The following USP7 variants were observed in gnomAD, a reference collection of about 807,000 sequenced individuals.
The protein encoded by USP7 is ubiquitin specific peptidase 7.
In USP7, 9 loss-of-function variants were observed where a neutral mutation model predicts 162.9. That is an observed-to-expected ratio of 0.06 (90% CI 0.03 to 0.10). The LOEUF (loss-of-function observed/expected upper bound fraction) is 0.10. USP7 is among the 10% of genes least tolerant of loss of function. The pLI, the probability that USP7 is intolerant of heterozygous loss-of-function variation, is 1.00. For missense variants in USP7, 715 were observed against 1,373.7 expected (o/e 0.52, Z 7.58); for synonymous variants, 562 against 475.9 (o/e 1.18, Z -2.35).
chr16:8,955,451 A>G (rs1477092311), intron 1 of USP7, among the ~76,000 whole-genome samples: 2 of 150,504 alleles, frequency 1.3e-5, no homozygotes, highest in Admixed American at 6.6e-5. Context: ...GGCCAGGCGC[A>G]GTGGCTCACA....
At chr16:8,949,323 C>T (rs954552253) in intron 1 of USP7, among the ~76,000 whole-genome samples, 2 of 152,150 alleles carry the variant, frequency 1.3e-5, no homozygotes, top group African/African-American at 4.8e-5. Context: ...GAAACTGAGA[C>T]ATAAAAATGC....
At chr16:8,908,514 C>T (rs2061894457) in intron 11 of USP7, 64 bp from the exon 12 acceptor site, 1 of 1,407,936 alleles carries the variant, frequency 7.1e-7, no homozygotes, top group East Asian at 2.3e-5. Flanking sequence ...GCAATGAAAG[C>T]AACAGCGGTT....
chr16:8,927,573 C>T (rs1161529004), intron 2 of USP7, among the ~76,000 whole-genome samples: 1 of 152,276 alleles, frequency 6.6e-6, no homozygotes, highest in East Asian at 1.9e-4. Flanking sequence ...TGGTGGCTCA[C>T]ACTTGTAGTC....
chr16:8,962,178 C>A (rs899622138), intron 1 of USP7, among the ~76,000 whole-genome samples: 4 of 152,334 alleles, frequency 2.6e-5, no homozygotes, highest in Middle Eastern at 3.4e-3. Context: ...AACCCAAGAT[C>A]CCTTGCTAAA....
chr16:8,946,543 G>C (rs9932027), intron 1 of USP7, among the ~76,000 whole-genome samples: 40,141 of 152,142 alleles, frequency 0.26, 6,780 homozygotes, highest in African/African-American at 0.48. Context: ...ATCTTACAAA[G>C]ACTCAAATCT....
At chr16:8,930,250 C>G (rs757112853) in intron 2 of USP7, 43 bp downstream of exon 2, 2 of 1,501,964 alleles carry the variant, frequency 1.3e-6, no homozygotes, top group Non-Finnish European at 1.8e-6. Context: ...TGTTTTCTGA[C>G]AAGTTTCCGC....
chr16:8,896,845 T>C (rs1174802154), intron 26 of USP7, among the ~76,000 whole-genome samples, 154 bp downstream of exon 26: 1 of 152,184 alleles, frequency 6.6e-6, no homozygotes, highest in Non-Finnish European at 1.5e-5. Flanking sequence ...TGAGCTTCTG[T>C]GCAACTGTCT....
chr16:8,921,130 G>T, intron 4 of USP7, 27 bp downstream of exon 4: 1 of 1,610,274 alleles, frequency 6.2e-7, no homozygotes. Flanking sequence ...TGCACCAATT[G>T]TTCAGACTAA....
At position 8,911,492 on chromosome 16, in the gene USP7, T is replaced by C. The variant is rs147736032; in HGVS notation, c.1079-665A>G. Reference sequence around the variant, plus strand: ...ATATCCAGAGTGTATGGAGAGCTCGTCCTGCTCCGGTCATGAAGGAAAAAC... The same window carrying C: ...ATATCCAGAGTGTATGGAGAGCTCGCCCTGCTCCGGTCATGAAGGAAAAAC... On this transcript the variant is annotated intron_variant, in intron 10 of 30. Transcript: ENST00000344836. Among the ~76,000 whole-genome samples the C allele has an allele frequency of 1.9e-3, 295 of 152,308 alleles. 7 individuals carry two copies. The East Asian group carries it at 0.052, about 27-fold the overall frequency.
At chr16:8,895,191 T>TA in intron 27 of USP7, 41 bp from the exon 28 acceptor site, 1 of 1,613,742 alleles carries the variant, frequency 6.2e-7, no homozygotes. Flanking sequence ...TAAGTGCAAG[T>TA]GATGTGGTCA....
At position 8,892,605 on chromosome 16, in the gene USP7, CTA is replaced by C. The variant is rs1491173286; in HGVS notation, c.*1391_*1392del. ...AAGAGTAAATGTGACTAGTTAGAGG[CTA>C]AAAAAAAAAAAAAAAAAAAAAAGAA... On this transcript the variant is annotated 3_prime_UTR_variant, in exon 31 of 31. Transcript: ENST00000344836. 2.0e-4 allele frequency: 6 copies of C among 29,470 alleles called. No homozygotes were observed. The East Asian group carries it at 3.6e-3, about 18-fold the overall frequency. 1.8% of individuals were successfully genotyped at this position (29,470 alleles called of 1,614,324 possible).
intron 1 of USP7, among the ~76,000 whole-genome samples, chr16:8,937,880 C>A (rs1323841420): frequency 6.6e-6 from 1 of 152,158 alleles, no homozygotes; most frequent in East Asian, 1.9e-4. Context: ...GTCTGGGGAG[C>A]TTGCATCTAT....
At chr16:8,907,083 C>A (rs1470419090) in intron 12 of USP7, among the ~76,000 whole-genome samples, 2 of 152,210 alleles carry the variant, frequency 1.3e-5, no homozygotes, top group Admixed American at 6.5e-5. Context: ...GTCTCAAGCA[C>A]AGCATGCACC....
chr16:8,941,613 T>C (rs1305587814), intron 1 of USP7, among the ~76,000 whole-genome samples: 2 of 152,212 alleles, frequency 1.3e-5, no homozygotes, highest in African/African-American at 4.8e-5. Flanking sequence ...GCCAATTCGC[T>C]TAGTATCTTC....
At chr16:8,920,557 T>C in intron 4 of USP7, 110 bp from the exon 5 acceptor site, 1 of 875,288 alleles carries the variant, frequency 1.1e-6, no homozygotes, top group Admixed American at 3.3e-5. Flanking sequence ...ATACTTTTTT[T>C]TTAAATACAT....
intron 1 of USP7, among the ~76,000 whole-genome samples, chr16:8,934,035 G>A (rs1473946236): frequency 6.6e-6 from 1 of 152,178 alleles, no homozygotes; most frequent in Admixed American, 6.5e-5. Flanking sequence ...TGAGATTACA[G>A]GCGTGAAACA....
At chr16:8,956,308 C>T (rs1899796757) in intron 1 of USP7, 1 of 152,204 alleles carries the variant, frequency 6.6e-6, no homozygotes, top group African/African-American at 2.4e-5. Flanking sequence ...TGATCACCAC[C>T]TTGAGAATGG....
intron 1 of USP7, among the ~76,000 whole-genome samples, chr16:8,933,792 A>G (rs544687032): frequency 9.5e-5 from 14 of 147,198 alleles, no homozygotes; most frequent in East Asian, 8.1e-4. Flanking sequence ...GTCTTCCTCT[A>G]TCTCCCAGGC....
intron 1 of USP7, among the ~76,000 whole-genome samples, chr16:8,959,155 T>C (rs1243719107): frequency 6.6e-6 from 1 of 152,150 alleles, no homozygotes; most frequent in Admixed American, 6.5e-5. Context: ...TTGACGGGCA[T>C]GAATGACCTC....
Sources: gnomAD v4.1 joint callset for allele counts (sites outside exome capture counted in the v4.1 genomes callset) on GRCh38, gnomAD v4.1.1 for gene constraint, MANE v1.5 for transcripts, NCBI Gene and HGNC (gene_info 2026-07-23, HGNC 2026-07-21) for gene names.